CNTNAP4: variants seen among roughly 807,000 people sequenced by gnomAD.
CNTNAP4 encodes the protein contactin associated protein family member 4.
A neutral mutation model predicts 148.4 loss-of-function variants in CNTNAP4; 98 were observed. The ratio of observed to expected loss-of-function variants is 0.66; its 90% confidence interval spans 0.56 to 0.78. The LOEUF (loss-of-function observed/expected upper bound fraction) is 0.78. CNTNAP4 is among the 30% of genes least tolerant of loss of function. The pLI, the probability that CNTNAP4 is intolerant of heterozygous loss-of-function variation, is 0.00. For synonymous variants in CNTNAP4, 730 were observed against 565.1 expected, an observed-to-expected ratio of 1.29 and a Z score of -4.14; for missense variants, 1,935 against 1,565.6, an observed-to-expected ratio of 1.24 and a Z score of -3.98.
intron 3 of CNTNAP4, among the ~76,000 whole-genome samples, chr16:76,426,868 A>G (rs1017100102): frequency 1.3e-5 from 2 of 152,256 alleles, no homozygotes; most frequent in East Asian, 3.9e-4. Context: ...TATTGCTTCC[A>G]ATTTCCCTTC....
chr16:76,429,414 G>A (rs1470047360), intron 4 of CNTNAP4, among the ~76,000 whole-genome samples: 2 of 152,116 alleles, frequency 1.3e-5, no homozygotes, highest in African/African-American at 2.4e-5. Flanking sequence ...ATAGCTAACA[G>A]TTATTGTGCA....
chr16:76,285,346 A>T (rs1018908096), intron 1 of CNTNAP4, among the ~76,000 whole-genome samples: 1 of 152,116 alleles, frequency 6.6e-6, no homozygotes, highest in African/African-American at 2.4e-5. Flanking sequence ...CATTTTAAGT[A>T]GTTCAAAATT....
At chr16:76,384,193 A>C (rs953334492) in intron 3 of CNTNAP4, among the ~76,000 whole-genome samples, 2 of 151,640 alleles carry the variant, frequency 1.3e-5, no homozygotes, top group Non-Finnish European at 2.9e-5. Flanking sequence ...ACAGGCATGC[A>C]CCACCATGCC....
chr16:76,306,149 G>A (rs76834200), intron 1 of CNTNAP4, among the ~76,000 whole-genome samples: 1 of 152,124 alleles, frequency 6.6e-6, no homozygotes, highest in Non-Finnish European at 1.5e-5. Flanking sequence ...TTGGTATAAA[G>A]GTCTAGTTGT....
chr16:76,520,972 C>G (rs1460314024), intron 15 of CNTNAP4, among the ~76,000 whole-genome samples, 168 bp from the exon 16 acceptor site: 1 of 151,934 alleles, frequency 6.6e-6, no homozygotes, highest in Non-Finnish European at 1.5e-5. Context: ...TTATGATATA[C>G]TCATATCTTG....
rs867258067 is a variant in CNTNAP4 at position 76,373,916 on chromosome 16, A to G, written c.390+18405A>G. ...ATCTCACAAAAAAAAAAAAAAAAAG[A>G]AAAGGAAAGGAAACAGGAAGCCAAA... On this transcript the variant is annotated intron_variant, in intron 3 of 23. Transcript: ENST00000611870. 1.1e-4 allele frequency among the ~76,000 whole-genome samples: 16 copies of G among 148,290 alleles called. 1 individual carries two copies. Among genetic ancestry groups the G allele is most frequent in the East Asian group, 1.0e-3 (5 of 4,966 alleles).
chr16:76,417,450 G>C (rs1264615857), intron 3 of CNTNAP4, among the ~76,000 whole-genome samples: 1 of 151,286 alleles, frequency 6.6e-6, no homozygotes, highest in Non-Finnish European at 1.5e-5. Flanking sequence ...TTATTATATA[G>C]TGCAGGTCCC....
At chr16:76,315,887 G>GC (rs1961687415) in intron 1 of CNTNAP4, among the ~76,000 whole-genome samples, 1 of 151,494 alleles carries the variant, frequency 6.6e-6, no homozygotes, top group Non-Finnish European at 1.5e-5. Flanking sequence ...GAGCCACCAC[G>GC]CCAGGCTGTG....
intron 3 of CNTNAP4, among the ~76,000 whole-genome samples, chr16:76,356,566 G>T (rs778020043): frequency 2.8e-4 from 43 of 152,194 alleles, no homozygotes; most frequent in Admixed American, 1.3e-3. Context: ...ACAAAGGAAA[G>T]ACTTCTTTCT....
At chr16:76,528,454 C>T (rs940254120) in intron 17 of CNTNAP4, among the ~76,000 whole-genome samples, 5 of 152,146 alleles carry the variant, frequency 3.3e-5, no homozygotes, top group South Asian at 2.1e-4. Flanking sequence ...TTTGTAGAGA[C>T]GCAGTCTCCC....
chr16:76,540,029 A>T (rs143439756), intron 20 of CNTNAP4, among the ~76,000 whole-genome samples, 177 bp downstream of exon 20: 99 of 152,278 alleles, frequency 6.5e-4, no homozygotes, highest in African/African-American at 2.2e-3. Flanking sequence ...TTTGTTCATT[A>T]TATTATTAAC....
chr16:76,373,897 CAAAAA>C (rs71382634), intron 3 of CNTNAP4, among the ~76,000 whole-genome samples: 11 of 112,078 alleles, frequency 9.8e-5, no homozygotes, highest in African/African-American at 2.0e-4. Flanking sequence ...CTCCATCTCA[CAAAAA>C]AAAAAAAAAA....
chr16:76,538,068 C>T, intron 18 of CNTNAP4, 48 bp from the exon 19 acceptor site: 2 of 850,526 alleles, frequency 2.4e-6, no homozygotes, highest in Non-Finnish European at 3.3e-6. Flanking sequence ...AAAACAAAAT[C>T]CTTGTACTTA....
At chr16:76,353,390 A>G (rs781163514) in intron 2 of CNTNAP4, among the ~76,000 whole-genome samples, 13 of 152,246 alleles carry the variant, frequency 8.5e-5, no homozygotes, top group Non-Finnish European at 1.6e-4. Context: ...TAAGGAGTAC[A>G]TGTGCAGTTT....
In CNTNAP4 at chr16:76,474,799, T is replaced by A. The variant is rs148439097; in HGVS notation, c.1656-1140T>A. On this transcript the variant is annotated intron_variant, in intron 10 of 23. Coordinates refer to ENST00000611870, the MANE Select transcript of CNTNAP4 (RefSeq NM_033401.5). ...ACTGTGCTGCTAACCCAAAAGACTT[T>A]CGTAACACTAGCAATGTATCCCTAA... Among the ~76,000 whole-genome samples, 396 of 152,262 alleles carry A rather than the reference T, an allele frequency of 2.6e-3. 9 individuals are homozygous for A. Among genetic ancestry groups the A allele is most frequent in the Admixed American group, 0.023 (357 of 15,302 alleles).
intron 8 of CNTNAP4, among the ~76,000 whole-genome samples, chr16:76,455,848 T>A (rs1186009230): frequency 2.0e-5 from 3 of 152,234 alleles, no homozygotes; most frequent in African/African-American, 7.2e-5. Context: ...GTTGTAGTCT[T>A]ATGAGAGGGT....
At chr16:76,558,450 G>A (rs759569531) in intron 23 of CNTNAP4, 40 bp from the exon 24 acceptor site, 8 of 1,217,972 alleles carry the variant, frequency 6.6e-6, no homozygotes, top group Non-Finnish European at 9.5e-6. Context: ...GTTTCTATTT[G>A]GACAGAAATT....
At chr16:76,455,859 G>A (rs2080709548) in intron 8 of CNTNAP4, among the ~76,000 whole-genome samples, 1 of 152,204 alleles carries the variant, frequency 6.6e-6, no homozygotes, top group Non-Finnish European at 1.5e-5. Flanking sequence ...ATGAGAGGGT[G>A]ATGACAACTA....
At chr16:76,318,724 T>C (rs1286342136) in intron 2 of CNTNAP4, among the ~76,000 whole-genome samples, 1 of 148,144 alleles carries the variant, frequency 6.8e-6, no homozygotes, top group African/African-American at 2.5e-5. Context: ...AGAGAATAAA[T>C]TAATTATTTT....
Sources: allele counts gnomAD v4.1 joint callset (sites outside exome capture counted in the v4.1 genomes callset), GRCh38; gene constraint gnomAD v4.1.1; transcripts MANE v1.5; gene names NCBI Gene and HGNC (gene_info 2026-07-23, HGNC 2026-07-21).